Variants in RAD51B observed in about 807,000 individuals in gnomAD.
RAD51B encodes the protein DNA repair protein RAD51 homolog 2.
A neutral mutation model predicts 42.2 loss-of-function variants in RAD51B; 38 were observed. The ratio of observed to expected loss-of-function variants is 0.90; its 90% CI spans 0.70 to 1.18. The LOEUF is 1.18. Among genes scored for constraint, RAD51B ranks in the 50% most tolerant of loss-of-function variants. The pLI is 0.00. For missense variants in RAD51B, 373 were observed against 400.7 expected (o/e 0.93, Z 0.59); for synonymous variants, 154 against 145.2 (o/e 1.06, Z -0.43).
chr14:67,883,169 T>C (rs1409897397), intron 5 of RAD51B, among the ~76,000 whole-genome samples: 2 of 152,208 alleles, frequency 1.3e-5, no homozygotes, highest in Admixed American at 6.5e-5. Context: ...AGCTCTTATC[T>C]GTGCTAGCTG....
intron 10 of RAD51B, among the ~76,000 whole-genome samples, chr14:68,490,206 T>C (rs573427831): frequency 6.6e-6 from 1 of 152,334 alleles, no homozygotes; most frequent in South Asian, 2.1e-4. Context: ...ACAGAAATGA[T>C]TTTATTATTT....
At chr14:67,931,060 A>G (rs1410577003) in intron 7 of RAD51B, among the ~76,000 whole-genome samples, 1 of 152,054 alleles carries the variant, frequency 6.6e-6, no homozygotes, top group East Asian at 1.9e-4. Flanking sequence ...AGCTGGGACT[A>G]CAGGAGCCTG....
chr14:68,421,955 C>T (rs922606979), intron 9 of RAD51B: 280 of 1,554,184 alleles, frequency 1.8e-4, no homozygotes, highest in South Asian at 6.3e-4. Flanking sequence ...CAAATTTCTC[C>T]GTGTAGATGG....
At chr14:68,424,373 T>G (rs1482429993) in intron 9 of RAD51B, among the ~76,000 whole-genome samples, 1 of 152,218 alleles carries the variant, frequency 6.6e-6, no homozygotes, top group Non-Finnish European at 1.5e-5. Flanking sequence ...TACTATGTTT[T>G]GTTTTTGGTT....
intron 11 of RAD51B, among the ~76,000 whole-genome samples, chr14:68,657,147 C>T (rs181020836): frequency 8.5e-5 from 13 of 152,232 alleles, no homozygotes; most frequent in Non-Finnish European, 2.9e-5. Context: ...GACTGAGAAA[C>T]AGAACCTTTA....
At chr14:67,913,674 T>C (rs2044059797) in intron 7 of RAD51B, among the ~76,000 whole-genome samples, 1 of 152,154 alleles carries the variant, frequency 6.6e-6, no homozygotes, top group Non-Finnish European at 1.5e-5. Flanking sequence ...TGTGGGTACA[T>C]AGTAGGTATG....
chr14:68,579,088 T>C (rs999990722), intron 10 of RAD51B, among the ~76,000 whole-genome samples: 2 of 152,166 alleles, frequency 1.3e-5, no homozygotes, highest in Admixed American at 1.3e-4. Flanking sequence ...TTCAGCTCTC[T>C]TGACTCTCCA....
chr14:68,082,334 A>C (rs1038481972), intron 7 of RAD51B, among the ~76,000 whole-genome samples: 7 of 152,176 alleles, frequency 4.6e-5, no homozygotes, highest in African/African-American at 1.2e-4. Context: ...AGAATTTCAG[A>C]GGTTACAGAG....
At position 68,171,113 on chromosome 14, in the gene RAD51B, C is replaced by T. The variant is rs376962235; in HGVS notation, c.757-120771C>T. On this transcript the variant is annotated intron_variant, in intron 7 of 10. Transcript: ENST00000471583. The stretch of plus-strand genomic sequence containing the variant: ...CGGGTAGACAGGTTCTCAGCCTGAT[C>T]GAGTCATGTATTTATAGAAGAGGTT... 8.5e-5 allele frequency among the ~76,000 whole-genome samples: 13 copies of T among 152,238 alleles called. No individual in the cohort carries two copies. In the East Asian group the frequency reaches 1.5e-3, roughly 18 times the overall value.
At position 68,442,557 on chromosome 14, in the gene RAD51B, T is replaced by C. The variant is rs1053273814; in HGVS notation, c.958-25615T>C. ...CTGGGTTCAAGCTATTCTCCTACCT[T>C]AGCCTCCTGAGTAGCTGGGACTACA... On this transcript the variant is annotated intron_variant, in intron 9 of 10. Transcript: ENST00000471583. 1.1e-4 allele frequency among the ~76,000 whole-genome samples: 16 copies of C among 150,326 alleles called. No homozygotes were observed. In the Admixed American group the frequency reaches 1.1e-3, roughly 10 times the overall value.
downstream of RAD51B, among the ~76,000 whole-genome samples, chr14:68,482,201 G>T (rs1883247216): frequency 1.3e-5 from 2 of 150,292 alleles, no homozygotes; most frequent in Non-Finnish European, 3.0e-5. Flanking sequence ...GTGTGTGTAT[G>T]TGTGTGTGTA....
intron 10 of RAD51B, among the ~76,000 whole-genome samples, chr14:68,556,307 T>C (rs971440145): frequency 2.0e-5 from 3 of 152,208 alleles, no homozygotes; most frequent in Non-Finnish European, 4.4e-5. Context: ...TTTCCTATCC[T>C]ACTTTGGGAC....
At chr14:67,841,074 A>G (rs935017643) in intron 4 of RAD51B, among the ~76,000 whole-genome samples, 6 of 152,196 alleles carry the variant, frequency 3.9e-5, no homozygotes, top group African/African-American at 1.4e-4. Context: ...TGCTGAGATT[A>G]TAGGCATGAG....
intron 7 of RAD51B, among the ~76,000 whole-genome samples, chr14:68,050,266 CT>C (rs2076370995): frequency 7.3e-6 from 1 of 137,752 alleles, no homozygotes; most frequent in African/African-American, 2.7e-5. Context: ...TTTCTCTTTT[CT>C]TTTTTCTTTT....
At chr14:68,339,492 G>T (rs1359017264) in intron 8 of RAD51B, 4 of 445,160 alleles carry the variant, frequency 9.0e-6, no homozygotes, top group African/African-American at 8.2e-5. Context: ...AGGAGCTGGA[G>T]CCATTTTTTC....
At chr14:67,974,845 G>A (rs986047459) in intron 7 of RAD51B, among the ~76,000 whole-genome samples, 2 of 152,030 alleles carry the variant, frequency 1.3e-5, no homozygotes, top group Admixed American at 1.3e-4. Flanking sequence ...TTAATTAGTT[G>A]TGAACTGTAT....
At chr14:67,838,126 TC>T (rs1405890775) in intron 4 of RAD51B, among the ~76,000 whole-genome samples, 1 of 152,212 alleles carries the variant, frequency 6.6e-6, no homozygotes, top group Non-Finnish European at 1.5e-5. Context: ...AGAATCTCAT[TC>T]TTTTTTATGG....
chr14:67,951,376 G>C (rs1387740076), intron 7 of RAD51B, among the ~76,000 whole-genome samples: 1 of 152,162 alleles, frequency 6.6e-6, no homozygotes, highest in African/African-American at 2.4e-5. Flanking sequence ...CCATTGTCAA[G>C]TTAAATTTTT....
At chr14:68,667,134 G>A (rs1937547824) in intron 11 of RAD51B, among the ~76,000 whole-genome samples, 2 of 152,222 alleles carry the variant, frequency 1.3e-5, no homozygotes, top group Admixed American at 6.5e-5. Flanking sequence ...GAGAGAGATG[G>A]ATTTAAGGGA....
Sources: allele counts gnomAD v4.1 joint callset (sites outside exome capture counted in the v4.1 genomes callset), GRCh38; gene constraint gnomAD v4.1.1; transcripts MANE v1.5; gene names NCBI Gene and HGNC (gene_info 2026-07-23, HGNC 2026-07-21).